The following MAGI1 variants were observed in gnomAD, a reference collection of about 807,000 sequenced individuals.
MAGI1 encodes membrane-associated guanylate kinase, WW and PDZ domain-containing protein 1.
MAGI1 carries 58 observed loss-of-function variants against 139.9 expected under a neutral mutation model. The observed-to-expected ratio is 0.41, with a 90% confidence interval of 0.34 to 0.52. The LOEUF is 0.52. Among genes scored for constraint, MAGI1 ranks in the 20% least tolerant of loss-of-function variants. The pLI is 0.12. For missense variants in MAGI1, 1,874 were observed against 1,901.6 expected (o/e 0.99, Z 0.27); for synonymous variants, 812 against 737.9 (o/e 1.10, Z -1.63).
intron 1 of MAGI1, among the ~76,000 whole-genome samples, chr3:65,818,068 G>C (rs111315207): frequency 2.7e-3 from 413 of 151,624 alleles, no homozygotes; most frequent in African/African-American, 6.5e-3. Context: ...GTGTGTGTGT[G>C]TCTCTCTCTT....
rs1365336441 is a variant in MAGI1 at position 65,923,609 on chromosome 3, T to C, written c.313+114387A>G. Among the ~76,000 whole-genome samples, 5 of 152,262 alleles carry C rather than the reference T, an allele frequency of 3.3e-5. No homozygotes were observed. In the South Asian group the frequency reaches 8.3e-4, roughly 25 times the overall value. ...ATGTCCTTGGAATAAATATGACAAG[T>C]ATATGCCATATCTGAGGGAGTCTAC... On this transcript the variant is annotated intron_variant, in intron 1 of 22. Transcript: ENST00000402939.
chr3:65,763,879 T>C (rs1369455795), intron 1 of MAGI1, among the ~76,000 whole-genome samples: 2 of 151,972 alleles, frequency 1.3e-5, no homozygotes, highest in African/African-American at 4.8e-5. Context: ...AAGACCAGCC[T>C]GGGCAACATG....
chr3:66,027,683 T>C (rs1372690920), intron 1 of MAGI1, among the ~76,000 whole-genome samples: 1 of 152,166 alleles, frequency 6.6e-6, no homozygotes, highest in Non-Finnish European at 1.5e-5. Context: ...CAATAAATAA[T>C]AGTTACAATT....
chr3:65,852,158 A>G (rs531792941), intron 1 of MAGI1, among the ~76,000 whole-genome samples: 1 of 152,284 alleles, frequency 6.6e-6, no homozygotes, highest in South Asian at 2.1e-4. Context: ...CATCATCACT[A>G]CCTATATCTG....
intron 1 of MAGI1, among the ~76,000 whole-genome samples, chr3:65,693,443 C>A (rs1439240050): frequency 6.6e-6 from 1 of 152,098 alleles, no homozygotes; most frequent in East Asian, 1.9e-4. Flanking sequence ...GCACCTGGAC[C>A]ATAAAATATA....
intron 1 of MAGI1, among the ~76,000 whole-genome samples, chr3:65,891,217 A>G (rs377765845): frequency 7.0e-6 from 1 of 142,140 alleles, no homozygotes; most frequent in Non-Finnish European, 1.5e-5. Context: ...AACACACACA[A>G]AAAAAAAAAA....
chr3:65,724,507 C>A (rs559868231), intron 1 of MAGI1, among the ~76,000 whole-genome samples: 1 of 152,292 alleles, frequency 6.6e-6, no homozygotes, highest in Admixed American at 6.5e-5. Flanking sequence ...TGGATGCTAT[C>A]TGAAAAGAGG....
At chr3:65,612,234 C>G (rs1178506503) in intron 2 of MAGI1, among the ~76,000 whole-genome samples, 1 of 151,790 alleles carries the variant, frequency 6.6e-6, no homozygotes, top group East Asian at 1.9e-4. Context: ...TAGAAAATAT[C>G]AAATTTACAG....
chr3:65,955,323 C>T (rs7621318), intron 1 of MAGI1, among the ~76,000 whole-genome samples: 4,614 of 152,300 alleles, frequency 0.03, 233 homozygotes, highest in African/African-American at 0.11. Flanking sequence ...CTGGACAACA[C>T]TGCCTCTTAA....
chr3:65,797,968 A>G (rs2040254552), intron 1 of MAGI1, among the ~76,000 whole-genome samples: 1 of 152,118 alleles, frequency 6.6e-6, no homozygotes, highest in Admixed American at 6.6e-5. Context: ...AAAGGAATAT[A>G]GTTTGTCTCA....
intron 1 of MAGI1, among the ~76,000 whole-genome samples, chr3:65,684,903 A>T (rs2087895646): frequency 9.3e-6 from 1 of 107,836 alleles, no homozygotes; most frequent in African/African-American, 4.0e-5. Context: ...TTTTTGGTAG[A>T]GATGAGATTT....
chr3:65,717,559 G>A (rs761109587), intron 1 of MAGI1: 7 of 152,310 alleles, frequency 4.6e-5, no homozygotes, highest in Non-Finnish European at 1.0e-4. Context: ...TTCAGAGCAC[G>A]TTCTCAGATC....
intron 5 of MAGI1, among the ~76,000 whole-genome samples, chr3:65,468,341 C>T (rs1353140800): frequency 1.3e-5 from 2 of 150,246 alleles, no homozygotes; most frequent in Admixed American, 6.6e-5. Context: ...AGAACTCTTC[C>T]CGGGTAGATT....
intron 1 of MAGI1, among the ~76,000 whole-genome samples, chr3:65,969,571 T>G (rs1355904581): frequency 6.6e-6 from 1 of 152,194 alleles, no homozygotes; most frequent in African/African-American, 2.4e-5. Flanking sequence ...TTGGCTCAAA[T>G]GTGGCTGAAT....
chr3:65,452,389 T>C (rs1165300710), intron 6 of MAGI1, among the ~76,000 whole-genome samples: 6 of 152,198 alleles, frequency 3.9e-5, no homozygotes, highest in Non-Finnish European at 8.8e-5. Context: ...AATAATAAAG[T>C]TCTGTTATCT....
intron 1 of MAGI1, among the ~76,000 whole-genome samples, chr3:65,939,003 C>T (rs1302421438): frequency 1.3e-5 from 2 of 152,160 alleles, no homozygotes; most frequent in Non-Finnish European, 1.5e-5. Flanking sequence ...ACCTCAGCCA[C>T]TAGAGTAAAA....
chr3:65,354,043 C>T lies in MAGI1; in HGVS notation c.*2335G>A, dbSNP rs914234969. On this transcript the variant is annotated 3_prime_UTR_variant, in exon 23 of 23. Coordinates refer to ENST00000402939, the MANE Select transcript of MAGI1 (RefSeq NM_001033057.2). ...TTCAGGATATATTCCCAAAATCCAC[C>T]TTGATTTCATTTATTTAAAACTCTG... 2.6e-5 allele frequency: 4 copies of T among 152,182 alleles called. No individual in the cohort carries two copies. The highest frequency in any genetic ancestry group is 7.2e-5 in the African/African-American group (3 of 41,444). 9.4% of individuals were successfully genotyped at this position (152,182 alleles called of 1,614,324 possible). A position where few individuals can be genotyped will look rare whatever the true frequency, so the allele number is the denominator to read the frequency against.
intron 2 of MAGI1, among the ~76,000 whole-genome samples, chr3:65,589,354 A>G (rs1034079914): frequency 6.6e-6 from 1 of 152,142 alleles, no homozygotes; most frequent in Non-Finnish European, 1.5e-5. Context: ...GCCCACTTGC[A>G]TGCCCCTTGT....
intron 2 of MAGI1, among the ~76,000 whole-genome samples, chr3:65,574,737 G>A (rs1411927598): frequency 6.6e-6 from 1 of 152,044 alleles, no homozygotes; most frequent in East Asian, 1.9e-4. Flanking sequence ...TCAAGACAGT[G>A]TTGTACTGGT....
Sources: allele counts gnomAD v4.1 joint callset (sites outside exome capture counted in the v4.1 genomes callset), GRCh38; gene constraint gnomAD v4.1.1; transcripts MANE v1.5; gene names NCBI Gene and HGNC (gene_info 2026-07-23, HGNC 2026-07-21).